Variants in OPA1 observed in about 807,000 individuals in gnomAD.
OPA1 encodes the protein dynamin-like GTPase OPA1, mitochondrial.
In OPA1, 59 loss-of-function variants were observed where a neutral mutation model predicts 152.9. The ratio of observed to expected loss-of-function variants is 0.39; its 90% confidence interval spans 0.31 to 0.48. The LOEUF is 0.48. Ranked by LOEUF, OPA1 falls within the 20% of genes least tolerant of loss-of-function variation. The pLI, the probability that OPA1 is intolerant of heterozygous loss-of-function variation, is 0.96. For synonymous variants in OPA1, 400 were observed against 389.9 expected (o/e 1.03, Z -0.31); for missense variants, 1,008 against 1,216.8 (o/e 0.83, Z 2.55).
In OPA1 at chr3:193,654,746, C is replaced by T. The variant is rs1713388158; in HGVS notation, c.2013-116C>T. The T allele has an allele frequency of 5.4e-6, 6 of 1,109,772 alleles. No homozygotes were observed. The East Asian group carries it at 1.3e-4, about 24-fold the overall frequency. The allele number at this position is 1,109,772 out of a possible 1,614,324, so 68.7% of individuals were successfully genotyped here. A position where few individuals can be genotyped will look rare whatever the true frequency, so the allele number is the denominator to read the frequency against. On this transcript the variant is annotated intron_variant, in intron 21 of 30. Coordinates refer to ENST00000361510, the MANE Select transcript of OPA1 (RefSeq NM_130837.3). ...TTACAGGTATATACACATGTGAAAA[C>T]TTATCAAAATTTTAAATATGTACAG... is the stretch of plus-strand genomic sequence containing the variant.
intron 30 of OPA1, among the ~76,000 whole-genome samples, chr3:193,692,475 A>G (rs1397302048): frequency 2.6e-5 from 4 of 152,232 alleles, no homozygotes; most frequent in Non-Finnish European, 5.9e-5. Context: ...CCTATAGTCT[A>G]TCAATAATGA....
chr3:193,613,403 T>C (rs973854928), intron 1 of OPA1, among the ~76,000 whole-genome samples: 3 of 152,184 alleles, frequency 2.0e-5, no homozygotes, highest in Non-Finnish European at 4.4e-5. Context: ...TTACTCGGTG[T>C]TTCTGAGAGT....
intron 1 of OPA1, among the ~76,000 whole-genome samples, chr3:193,607,473 T>G (rs1727468497): frequency 6.6e-6 from 1 of 152,230 alleles, no homozygotes. Context: ...AGTTTCAGCT[T>G]TCTACATATG....
intron 9 of OPA1, among the ~76,000 whole-genome samples, chr3:193,636,553 T>C (rs1732980594): frequency 1.3e-5 from 2 of 151,862 alleles, no homozygotes; most frequent in South Asian, 4.1e-4. Flanking sequence ...GCCTGTGTAT[T>C]TTTTTGTTCA....
In OPA1 at chr3:193,646,198, GAGATA is replaced by G. The variant is rs549482410; in HGVS notation, c.1754+406_1754+410del. Among the ~76,000 whole-genome samples, 43 of 152,286 alleles carry G rather than the reference GAGATA, an allele frequency of 2.8e-4. 1 individual carries two copies. Among genetic ancestry groups the G allele is most frequent in the African/African-American group, 8.4e-4 (35 of 41,554 alleles). ...AGTATCCCTAGATATATATTGACAG[GAGATA>G]AGATAAGCAAAAAGAGCTAAAGGCC... On this transcript the variant is annotated intron_variant, in intron 18 of 30. Coordinates refer to ENST00000361510, the MANE Select transcript of OPA1 (RefSeq NM_130837.3).
chr3:193,600,516 G>C (rs1191030996), intron 1 of OPA1, among the ~76,000 whole-genome samples: 1 of 152,154 alleles, frequency 6.6e-6, no homozygotes, highest in East Asian at 1.9e-4. Context: ...AAATGCTAAG[G>C]TGTACTCCTT....
chr3:193,644,197 C>G, intron 16 of OPA1, 92 bp downstream of exon 16: 1 of 1,364,182 alleles, frequency 7.3e-7, no homozygotes, highest in South Asian at 1.2e-5. Flanking sequence ...ACAACAACAA[C>G]AAAAAAACAC....
chr3:193,687,846 A>G (rs535969674), intron 29 of OPA1, among the ~76,000 whole-genome samples: 1 of 152,370 alleles, frequency 6.6e-6, no homozygotes, highest in Admixed American at 6.5e-5. Context: ...ATCGGAATGT[A>G]GTTTCTAAAG....
intron 1 of OPA1, 70 bp downstream of exon 1, chr3:193,593,479 T>G (rs1724976960): frequency 1.1e-5 from 16 of 1,398,130 alleles, no homozygotes; most frequent in Non-Finnish European, 1.2e-5. Context: ...CTTATCTCTA[T>G]CTCCAAAAAT....
rs1339317492 is a variant in OPA1 at position 193,667,155 on chromosome 3, A to C, written c.2873-15A>C. 1 of 1,290,848 alleles carries C rather than the reference A, an allele frequency of 7.7e-7. No individual in the cohort carries two copies. The highest frequency in any genetic ancestry group is 1.5e-5 in the African/African-American group (1 of 68,816). The allele number at this position is 1,290,848 out of a possible 1,614,324, so 80.0% of individuals were successfully genotyped here. A position where few individuals can be genotyped will look rare whatever the true frequency, so the allele number is the denominator to read the frequency against. On this transcript the variant is annotated splice_polypyrimidine_tract_variant and intron_variant, in intron 28 of 30. Transcript: ENST00000361510. ...AAAACGATGCTCCTCAGGTTTTTTA[A>C]CTTTCTTTAAACAGTTAGGCGATTA...
chr3:193,615,843 TCTTAA>T, intron 3 of OPA1, 73 bp downstream of exon 3: 3 of 875,372 alleles, frequency 3.4e-6, no homozygotes, highest in East Asian at 2.4e-5. Flanking sequence ...TGAGATAGTT[TCTTAA>T]CTTATGAACC....
intron 1 of OPA1, among the ~76,000 whole-genome samples, chr3:193,596,197 CTTTTT>C (rs558965633): frequency 3.8e-4 from 41 of 106,552 alleles, no homozygotes; most frequent in African/African-American, 1.3e-3. Context: ...TGTTTTTCAC[CTTTTT>C]TTTTTTTTTT....
At chr3:193,605,506 T>C (rs1727117458) in intron 1 of OPA1, among the ~76,000 whole-genome samples, 1 of 152,208 alleles carries the variant, frequency 6.6e-6, no homozygotes, top group African/African-American at 2.4e-5. Context: ...AGTACTTTTA[T>C]AGGTTCTACA....
chr3:193,616,267 C>G (rs771558610), intron 3 of OPA1, among the ~76,000 whole-genome samples: 1 of 152,174 alleles, frequency 6.6e-6, no homozygotes, highest in Non-Finnish European at 1.5e-5. Context: ...CTCAGCCTCT[C>G]AAAGCACTGA....
intron 7 of OPA1, among the ~76,000 whole-genome samples, chr3:193,628,985 C>T (rs1174839810): frequency 6.6e-6 from 1 of 152,164 alleles, no homozygotes; most frequent in Non-Finnish European, 1.5e-5. Context: ...ACTATCTCAG[C>T]TCACTGCGAC....
intron 21 of OPA1, 131 bp from the exon 22 acceptor site, chr3:193,654,721 TTACAGGTATA>T: frequency 1.3e-6 from 1 of 788,286 alleles, no homozygotes; most frequent in Non-Finnish European, 2.0e-6. Flanking sequence ...CTGGTGCGAT[TTACAGGTATA>T]TACACATGTG....
chr3:193,685,221 G>A lies in OPA1; in HGVS notation c.2984-6842G>A, dbSNP rs888081644. 4.0e-5 allele frequency among the ~76,000 whole-genome samples: 6 copies of A among 151,778 alleles called. 1 individual carries two copies. Among genetic ancestry groups the A allele is most frequent in the Admixed American group, 2.0e-4 (3 of 15,244 alleles). On this transcript the variant is annotated intron_variant, in intron 29 of 30. Coordinates refer to ENST00000361510, the MANE Select transcript of OPA1 (RefSeq NM_130837.3). ...GGAGGCTGAGGCAGAAGAATCATTTGAAACCGGGAGGCGGAGGTTGCAGTG... is the reference window on the plus strand; with the variant it reads ...GGAGGCTGAGGCAGAAGAATCATTTAAAACCGGGAGGCGGAGGTTGCAGTG...
At chr3:193,668,260 C>G (rs1480400295) in intron 29 of OPA1, 14 of 1,321,186 alleles carry the variant, frequency 1.1e-5, no homozygotes, top group Admixed American at 2.1e-5. Flanking sequence ...ATATTTTGGT[C>G]AGTCCTCCTA....
chr3:193,622,908 T>G lies in OPA1; in HGVS notation c.679-3184T>G, dbSNP rs150661105. Among the ~76,000 whole-genome samples the G allele has an allele frequency of 5.8e-4, 89 of 152,360 alleles. No individual in the cohort carries two copies. In the East Asian group the frequency reaches 0.016, roughly 27 times the overall value. Reference sequence around the variant, plus strand: ...TTTTGGTCCCCTCAATTTTTTGCTCTCATTACCTGCAAATTCTCCCTGGCC... The same window carrying G: ...TTTTGGTCCCCTCAATTTTTTGCTCGCATTACCTGCAAATTCTCCCTGGCC... On this transcript the variant is annotated intron_variant, in intron 6 of 30. Coordinates refer to ENST00000361510, the MANE Select transcript of OPA1 (RefSeq NM_130837.3).
Sources: gnomAD v4.1 joint callset for allele counts (sites outside exome capture counted in the v4.1 genomes callset) on GRCh38, gnomAD v4.1.1 for gene constraint, MANE v1.5 for transcripts, NCBI Gene and HGNC (gene_info 2026-07-23, HGNC 2026-07-21) for gene names.